The following MME variants were observed in gnomAD, a reference collection of about 807,000 sequenced individuals.
MME encodes the protein neprilysin.
MME carries 98 observed loss-of-function variants against 113.2 expected under a neutral mutation model. The ratio of observed to expected loss-of-function variants is 0.87; its 90% CI spans 0.74 to 1.02. The LOEUF (loss-of-function observed/expected upper bound fraction) is 1.02, where lower values mean the gene tolerates loss of function less well. Ranked by LOEUF, MME falls within the 50% of genes least tolerant of loss-of-function variation. The probability of loss-of-function intolerance (pLI) is 0.00; values close to 1 mark genes in which losing one functional copy is unlikely to be tolerated. For missense variants in MME, 836 were observed against 896.0 expected (o/e 0.93, Z 0.86); for synonymous variants, 292 against 300.6 (o/e 0.97, Z 0.30).
intron 3 of MME, among the ~76,000 whole-genome samples, chr3:155,108,751 A>C (rs536240518): frequency 6.6e-6 from 1 of 152,162 alleles, no homozygotes; most frequent in South Asian, 2.1e-4. Context: ...AAAATGTAGA[A>C]ATTCCTTTAA....
intron 1 of MME, among the ~76,000 whole-genome samples, chr3:155,051,650 T>C (rs949849686): frequency 1.3e-5 from 2 of 152,138 alleles, no homozygotes; most frequent in Non-Finnish European, 2.9e-5. Context: ...GCCCCCATGA[T>C]TTAATTACCT....
At chr3:155,069,710 A>G (rs1293414458) in intron 1 of MME, among the ~76,000 whole-genome samples, 1 of 152,202 alleles carries the variant, frequency 6.6e-6, no homozygotes, top group East Asian at 1.9e-4. Flanking sequence ...GGAGAAATTA[A>G]TATCACCCTG....
intron 8 of MME, among the ~76,000 whole-genome samples, chr3:155,136,944 C>T (rs946877904): frequency 5.3e-5 from 8 of 152,060 alleles, no homozygotes; most frequent in Non-Finnish European, 8.8e-5. Flanking sequence ...GAGGTGGAAT[C>T]GTAATGTATT....
chr3:155,157,279 A>G (rs1722388107), intron 16 of MME, among the ~76,000 whole-genome samples: 1 of 152,156 alleles, frequency 6.6e-6, no homozygotes, highest in Non-Finnish European at 1.5e-5. Context: ...CCACATTTGT[A>G]TGCATACAGA....
chr3:155,122,936 G>A (rs1484611111), intron 8 of MME, among the ~76,000 whole-genome samples: 6 of 24,026 alleles, frequency 2.5e-4, no homozygotes, highest in African/African-American at 8.9e-4. Context: ...TATTAGGTCC[G>A]CTTGGTGCAG....
At chr3:155,113,906 G>GA (rs1385403209) in intron 3 of MME, among the ~76,000 whole-genome samples, 1 of 152,140 alleles carries the variant, frequency 6.6e-6, no homozygotes, top group Non-Finnish European at 1.5e-5. Context: ...TTGTTTTAAA[G>GA]AGCTGGGTCC....
intron 17 of MME, among the ~76,000 whole-genome samples, chr3:155,164,759 T>C (rs1000177503): frequency 1.3e-5 from 2 of 152,182 alleles, no homozygotes; most frequent in African/African-American, 4.8e-5. Flanking sequence ...AAAAATAAGT[T>C]CATGGCTCCA....
chr3:155,097,077 C>G (rs968155116), intron 3 of MME, among the ~76,000 whole-genome samples: 17 of 152,122 alleles, frequency 1.1e-4, no homozygotes, highest in Non-Finnish European at 2.2e-4. Flanking sequence ...GATAAGTCAG[C>G]TGTTCACCAA....
At chr3:155,130,197 G>A (rs1720031170) in intron 8 of MME, among the ~76,000 whole-genome samples, 1 of 152,198 alleles carries the variant, frequency 6.6e-6, no homozygotes, top group South Asian at 2.1e-4. Flanking sequence ...GAGGTTAGTG[G>A]TTTCCAACTC....
intron 22 of MME, among the ~76,000 whole-genome samples, chr3:155,178,300 A>G (rs1332829197): frequency 6.6e-6 from 1 of 152,196 alleles, no homozygotes; most frequent in African/African-American, 2.4e-5. Context: ...GTTGTGGTGG[A>G]GAGGGATAGA....
intron 16 of MME, among the ~76,000 whole-genome samples, chr3:155,152,771 G>A (rs1722026527): frequency 6.6e-6 from 1 of 152,026 alleles, no homozygotes; most frequent in African/African-American, 2.4e-5. Context: ...AACCCAGGAG[G>A]TGGAGGTTGC....
chr3:155,057,721 C>G lies in MME; in HGVS notation c.-10-26437C>G, dbSNP rs578047890. On this transcript the variant is annotated intron_variant, in intron 1 of 22. Transcript: ENST00000492661. ...TTTTTTTTTTTCTAAATTGTGGTGA[C>G]TTTGAGAGGGCAGGGAAGAGAGAAG... Among the ~76,000 whole-genome samples the G allele has an allele frequency of 9.0e-5, 13 of 145,248 alleles. 1 individual carries two copies. The highest frequency in any genetic ancestry group is 3.3e-4 in the African/African-American group (13 of 38,932).
chr3:155,073,110 G>T (rs916560832), intron 1 of MME, among the ~76,000 whole-genome samples: 13 of 152,102 alleles, frequency 8.5e-5, no homozygotes, highest in African/African-American at 3.1e-4. Flanking sequence ...GAATAGCTTG[G>T]TCAATGAAAA....
upstream of MME, chr3:155,079,656 G>C (rs1461701058): frequency 1.3e-5 from 2 of 148,194 alleles, no homozygotes; most frequent in Non-Finnish European, 3.0e-5. Context: ...TGAGAGCGCC[G>C]AGACGCGCGG....
chr3:155,131,441 C>T (rs1256448731), intron 8 of MME, among the ~76,000 whole-genome samples: 2 of 152,022 alleles, frequency 1.3e-5, no homozygotes, highest in African/African-American at 4.8e-5. Context: ...TACCAAGTGA[C>T]TAATAGTCAG....
intron 1 of MME, among the ~76,000 whole-genome samples, chr3:155,044,573 T>G (rs905425823): frequency 2.6e-5 from 4 of 151,826 alleles, no homozygotes; most frequent in African/African-American, 7.3e-5. Context: ...CAGGCTGGAG[T>G]GCAATGGCAC....
chr3:155,174,942 A>G lies in MME; in HGVS notation c.2153+2330A>G, dbSNP rs532222971. On this transcript the variant is annotated intron_variant, in intron 22 of 22. Transcript: ENST00000360490. ...AACCTAGGTGAATTTCAGTAATATT[A>G]TTGTAATACCTAGTATATCTACCAT... Among the ~76,000 whole-genome samples, 34 of 152,222 alleles carry G rather than the reference A, an allele frequency of 2.2e-4. 1 individual carries two copies. The highest frequency in any genetic ancestry group is 7.5e-4 in the African/African-American group (31 of 41,586).
At chr3:155,103,143 G>A (rs1717404975) in intron 3 of MME, among the ~76,000 whole-genome samples, 1 of 152,102 alleles carries the variant, frequency 6.6e-6, no homozygotes, top group South Asian at 2.1e-4. Flanking sequence ...GTTGTTCAAT[G>A]TCTGGTTTTT....
intron 3 of MME, among the ~76,000 whole-genome samples, chr3:155,091,066 C>G (rs916443939): frequency 6.6e-6 from 1 of 152,176 alleles, no homozygotes; most frequent in African/African-American, 2.4e-5. Flanking sequence ...GGAAATGAGG[C>G]TATTTCATTA....
Sources: gnomAD v4.1 joint callset for allele counts (sites outside exome capture counted in the v4.1 genomes callset) on GRCh38, gnomAD v4.1.1 for gene constraint, MANE v1.5 for transcripts, NCBI Gene and HGNC (gene_info 2026-07-23, HGNC 2026-07-21) for gene names.